Variants in MAMDC2 observed in about 807,000 individuals in gnomAD.
MAMDC2 encodes MAM domain containing 2, also known as MAM domain-containing protein 2.
Under a neutral mutation model 89.8 loss-of-function variants are expected in MAMDC2, and 57 were observed. The ratio of observed to expected loss-of-function variants is 0.63; its 90% CI spans 0.51 to 0.79. The LOEUF (loss-of-function observed/expected upper bound fraction) is 0.79, where lower values mean the gene tolerates loss of function less well. Among genes scored for constraint, MAMDC2 ranks in the 30% least tolerant of loss-of-function variants. The pLI is 0.00. For synonymous variants in MAMDC2, 313 were observed against 293.4 expected (o/e 1.07, Z -0.68); for missense variants, 800 against 820.6 (o/e 0.97, Z 0.31).
intron 11 of MAMDC2, among the ~76,000 whole-genome samples, chr9:70,202,814 C>T (rs1055418306): frequency 2.0e-5 from 3 of 151,228 alleles, no homozygotes; most frequent in African/African-American, 7.3e-5. Flanking sequence ...ATGTAATGGC[C>T]TTCTTTGTCT....
chr9:70,070,005 G>A (rs1016093424), intron 2 of MAMDC2, among the ~76,000 whole-genome samples: 1 of 152,182 alleles, frequency 6.6e-6, no homozygotes, highest in African/African-American at 2.4e-5. Context: ...GTTTGCAAAA[G>A]GGATGAGCTG....
At chr9:70,214,700 C>A (rs890448938) in intron 11 of MAMDC2, among the ~76,000 whole-genome samples, 2 of 152,146 alleles carry the variant, frequency 1.3e-5, no homozygotes, top group African/African-American at 4.8e-5. Flanking sequence ...ATGATAGCAG[C>A]TTGGACCAGG....
intron 11 of MAMDC2, among the ~76,000 whole-genome samples, chr9:70,184,445 A>G (rs1316565883): frequency 6.6e-6 from 1 of 151,844 alleles, no homozygotes; most frequent in Non-Finnish European, 1.5e-5. Flanking sequence ...TAGGTTGGGG[A>G]AGTTCTCCTG....
intron 12 of MAMDC2, among the ~76,000 whole-genome samples, chr9:70,220,642 A>T (rs950028669): frequency 6.6e-6 from 1 of 152,230 alleles, no homozygotes; most frequent in African/African-American, 2.4e-5. Context: ...AGGTGGGGAA[A>T]AGTAAATGTC....
intron 11 of MAMDC2, among the ~76,000 whole-genome samples, chr9:70,202,021 T>G (rs931207750): frequency 6.8e-6 from 1 of 147,306 alleles, no homozygotes; most frequent in African/African-American, 2.4e-5. Context: ...GATTCATAGA[T>G]TTTTTGAAGG....
At chr9:70,221,380 T>TAGAGAGAGAGAGAGGGAGAGAGAG (rs2033558362) in intron 12 of MAMDC2, among the ~76,000 whole-genome samples, 1 of 7,044 alleles carries the variant, frequency 1.4e-4, no homozygotes, top group Non-Finnish European at 2.6e-4. Flanking sequence ...TATATATATA[T>TAGAGAGAGAGAGAGGGAGAGAGAG]AGAGAGAGAG....
rs760810318 is a variant in MAMDC2, at chr9:70,218,543, A to G, written c.1858A>G (p.Ser620Gly). 5.6e-6 allele frequency: 9 copies of G among 1,614,152 alleles called. No individual in the cohort carries two copies. The highest frequency in any genetic ancestry group is 1.7e-5 in the Admixed American group (1 of 60,012). The stretch of plus-strand genomic sequence containing the variant: ...CTTATGGAGGAGAAGAGGTGAACAG[A>G]GCATTTCCTGGCTACGAGCACTGAT... ...SLLWRRRGEQ[S>G]ISWLRALIEY... is the part of the protein sequence containing the mutation. Residue 620 changes from serine (S) to glycine (G), a missense_variant, in exon 12 of 14, where the codon AGC becomes GGC. By Grantham distance (56) the Ser-to-Gly change is moderately conservative. Transcript: ENST00000377182.
rs142001990 is a variant in MAMDC2, at chr9:70,147,632, C to T, written c.1404+3813C>T. Among the ~76,000 whole-genome samples the T allele has an allele frequency of 2.3e-3, 353 of 150,236 alleles. 17 individuals are homozygous for T. Among genetic ancestry groups the T allele is most frequent in the Non-Finnish European group, 4.1e-3 (276 of 67,480 alleles). On this transcript the variant is annotated intron_variant, in intron 9 of 13. Transcript: ENST00000377182. ...AAATCTCCCCCGACCCCGCATTTCCCTTCACCTCTCTTACCCCCTTGACTT... is the reference window on the plus strand; with the variant it reads ...AAATCTCCCCCGACCCCGCATTTCCTTTCACCTCTCTTACCCCCTTGACTT...
intron 11 of MAMDC2, among the ~76,000 whole-genome samples, chr9:70,197,831 A>T (rs1452209799): frequency 6.6e-6 from 1 of 152,102 alleles, no homozygotes; most frequent in Non-Finnish European, 1.5e-5. Context: ...TTCATCCAGG[A>T]TCACCCAAAT....
At chr9:70,225,240 G>A (rs559356051) in intron 12 of MAMDC2, among the ~76,000 whole-genome samples, 3 of 152,270 alleles carry the variant, frequency 2.0e-5, no homozygotes, top group South Asian at 4.1e-4. Context: ...TTTAACATAA[G>A]TGAACCATTA....
At chr9:70,187,489 A>C (rs2032782680) in intron 11 of MAMDC2, among the ~76,000 whole-genome samples, 1 of 152,124 alleles carries the variant, frequency 6.6e-6, no homozygotes, top group Non-Finnish European at 1.5e-5. Flanking sequence ...CATTTTTTAA[A>C]GTATATAATT....
chr9:70,124,468 G>A lies in MAMDC2; in HGVS notation c.644-1691G>A, dbSNP rs533592453. On this transcript the variant is annotated intron_variant, in intron 5 of 13. Coordinates refer to ENST00000377182, the MANE Select transcript of MAMDC2 (RefSeq NM_153267.5). ...GATTATTCAGGGGATTCAGGATGTT[G>A]AACAACTTGCCACCAGGAGAAAGTG... 2.6e-5 allele frequency among the ~76,000 whole-genome samples: 4 copies of A among 152,256 alleles called. No individual in the cohort carries two copies. The South Asian group carries it at 8.3e-4, about 32-fold the overall frequency.
rs2030497651 is a variant in MAMDC2, at chr9:70,125,633, T to A, written c.644-526T>A. On this transcript the variant is annotated intron_variant, in intron 5 of 13. Coordinates refer to ENST00000377182, the MANE Select transcript of MAMDC2 (RefSeq NM_153267.5). The stretch of plus-strand genomic sequence containing the variant: ...CACACAAATTGCCATATAGTTGGAA[T>A]TCAAAATCTTAGTTTCACTCAAAAA... Among the ~76,000 whole-genome samples the A allele has an allele frequency of 1.3e-5, 2 of 152,210 alleles. 1 individual carries two copies. Among genetic ancestry groups the A allele is most frequent in the Admixed American group, 1.3e-4 (2 of 15,282 alleles).
At chr9:70,186,904 T>C (rs1450735455) in intron 11 of MAMDC2, among the ~76,000 whole-genome samples, 1 of 152,096 alleles carries the variant, frequency 6.6e-6, no homozygotes, top group Non-Finnish European at 1.5e-5. Flanking sequence ...GAGCAAAAAC[T>C]CACTAATCAT....
At chr9:70,117,700 C>T (rs2030075116) in intron 5 of MAMDC2, among the ~76,000 whole-genome samples, 1 of 151,748 alleles carries the variant, frequency 6.6e-6, no homozygotes, top group East Asian at 1.9e-4. Context: ...CCCTATAATA[C>T]CAGTTTTTAG....
intron 4 of MAMDC2, among the ~76,000 whole-genome samples, chr9:70,112,457 T>TC (rs1288492451): frequency 6.6e-6 from 1 of 152,058 alleles, no homozygotes; most frequent in Non-Finnish European, 1.5e-5. Flanking sequence ...CAGACACATG[T>TC]CCCTCAGCTC....
chr9:70,226,949 TAATAA>T lies in MAMDC2; in HGVS notation c.*920_*924del, dbSNP rs1419386142. On this transcript the variant is annotated 3_prime_UTR_variant, in exon 14 of 14. Coordinates refer to ENST00000377182, the MANE Select transcript of MAMDC2 (RefSeq NM_153267.5). The stretch of plus-strand genomic sequence containing the variant: ...GCTGCTATGAAATTATAAAATTACC[TAATAA>T]AAATAATTTGAAAATCTTTTCACTA... The T allele has an allele frequency of 6.6e-6, 1 of 152,072 alleles. No individual in the cohort carries two copies. Among genetic ancestry groups the T allele is most frequent in the Admixed American group, 6.5e-5 (1 of 15,278 alleles). 9.4% of individuals were successfully genotyped at this position (152,072 alleles called of 1,614,324 possible). A position where few individuals can be genotyped will look rare whatever the true frequency, so the allele number is the denominator to read the frequency against.
chr9:70,072,207 T>C (rs967129858), intron 2 of MAMDC2, among the ~76,000 whole-genome samples: 6 of 152,206 alleles, frequency 3.9e-5, no homozygotes, highest in Non-Finnish European at 7.3e-5. Flanking sequence ...TAAATTCTGA[T>C]GTAAAGTACA....
chr9:70,115,355 C>T (rs943333863), intron 5 of MAMDC2, among the ~76,000 whole-genome samples: 1 of 148,946 alleles, frequency 6.7e-6, no homozygotes, highest in Non-Finnish European at 1.5e-5. Context: ...AGTTTCAGCC[C>T]TTTTTTTTTT....
Sources: allele counts gnomAD v4.1 joint callset (sites outside exome capture counted in the v4.1 genomes callset), GRCh38; gene constraint gnomAD v4.1.1; transcripts MANE v1.5; gene names NCBI Gene and HGNC (gene_info 2026-07-23, HGNC 2026-07-21).